The following BMERB1 variants were observed in gnomAD, a reference collection of about 807,000 sequenced individuals.
BMERB1 encodes bMERB domain containing 1.
A neutral mutation model predicts 23.6 loss-of-function variants in BMERB1; 12 were observed. That is an observed-to-expected ratio of 0.51 (90% confidence interval 0.33 to 0.82). BMERB1 has a LOEUF of 0.82. Ranked by LOEUF, BMERB1 falls within the 40% of genes least tolerant of loss-of-function variation. The pLI, the probability that BMERB1 is intolerant of heterozygous loss-of-function variation, is 0.03. For missense variants in BMERB1, 247 were observed against 255.4 expected (o/e 0.97, Z 0.22); for synonymous variants, 122 against 96.6 (o/e 1.26, Z -1.54).
At chr16:15,550,892 A>C (rs193073726) in intron 2 of BMERB1, among the ~76,000 whole-genome samples, 1 of 152,288 alleles carries the variant, frequency 6.6e-6, no homozygotes, top group Admixed American at 6.5e-5. Flanking sequence ...ATGAGGATTC[A>C]ATGAGATTGG....
intron 1 of BMERB1, among the ~76,000 whole-genome samples, chr16:15,442,687 A>G (rs571934406): frequency 1.3e-5 from 2 of 152,328 alleles, no homozygotes; most frequent in Admixed American, 6.5e-5. Context: ...TAACAGCCCT[A>G]TGACATAAGG....
intron 3 of BMERB1, among the ~76,000 whole-genome samples, chr16:15,569,089 G>A (rs1056972202): frequency 4.6e-5 from 7 of 152,020 alleles, no homozygotes; most frequent in Admixed American, 2.0e-4. Flanking sequence ...GGTGGCGGGT[G>A]CCTGTAATTC....
chr16:15,527,238 C>T (rs1299491057), intron 2 of BMERB1, among the ~76,000 whole-genome samples: 2 of 152,160 alleles, frequency 1.3e-5, no homozygotes, highest in African/African-American at 4.8e-5. Context: ...TCCCCATTTT[C>T]CCTTTCCCCT....
At position 15,512,012 on chromosome 16, in the gene BMERB1, C is replaced by CAAAAA. The variant is rs57021793; in HGVS notation, c.107-3271_107-3267dup. 3.0e-3 allele frequency among the ~76,000 whole-genome samples: 182 copies of CAAAAA among 61,124 alleles called. 22 individuals carry two copies. Among genetic ancestry groups the CAAAAA allele is most frequent in the East Asian group, 0.016 (23 of 1,396 alleles). 40.1% of individuals were successfully genotyped at this position (61,124 alleles called of 152,430 possible). The stretch of plus-strand genomic sequence containing the variant: ...TGGGCAACAGAGCAAGACTTGCTCT[C>CAAAAA]AAAAAAAAAAAAAAAAAAAAAAAAA... On this transcript the variant is annotated intron_variant, in intron 1 of 5. Transcript: ENST00000300006.
intron 1 of BMERB1, among the ~76,000 whole-genome samples, chr16:15,488,826 A>AT (rs1325480956): frequency 6.6e-6 from 1 of 151,700 alleles, no homozygotes; most frequent in Non-Finnish European, 1.5e-5. Flanking sequence ...TCAAAAAAAA[A>AT]AAAAACAAAG....
chr16:15,537,434 A>C (rs1412195847), intron 2 of BMERB1, among the ~76,000 whole-genome samples: 1 of 149,270 alleles, frequency 6.7e-6, no homozygotes, highest in African/African-American at 2.5e-5. Context: ...GGCTCACTGC[A>C]ACCTTGTCTC....
intron 2 of BMERB1, among the ~76,000 whole-genome samples, chr16:15,567,415 C>T (rs1180584702): frequency 6.6e-6 from 1 of 152,042 alleles, no homozygotes; most frequent in Non-Finnish European, 1.5e-5. Context: ...CTAAGTCAGG[C>T]ACATGAAGAC....
intron 1 of BMERB1, among the ~76,000 whole-genome samples, chr16:15,471,413 G>A (rs1384156811): frequency 4.6e-5 from 7 of 152,176 alleles, no homozygotes; most frequent in Non-Finnish European, 7.4e-5. Context: ...GAACTATGCA[G>A]ATTTTCTAAT....
intron 2 of BMERB1, among the ~76,000 whole-genome samples, chr16:15,557,877 T>C (rs753482681): frequency 3.9e-5 from 6 of 152,020 alleles, no homozygotes; most frequent in Non-Finnish European, 8.8e-5. Flanking sequence ...AAACTCCATC[T>C]CTCCTAAAAA....
chr16:15,508,325 A>G (rs907457050), intron 1 of BMERB1, among the ~76,000 whole-genome samples: 2 of 152,138 alleles, frequency 1.3e-5, no homozygotes, highest in Non-Finnish European at 2.9e-5. Context: ...AACTTTTTCT[A>G]TAAAGAGCCA....
intron 3 of BMERB1, among the ~76,000 whole-genome samples, chr16:15,580,913 TTGAAA>T (rs1048612728): frequency 6.6e-5 from 10 of 151,746 alleles, no homozygotes; most frequent in African/African-American, 2.2e-4. Flanking sequence ...TTTTTCTTTC[TTGAAA>T]TGAAGTCTCA....
intron 2 of BMERB1, among the ~76,000 whole-genome samples, chr16:15,542,883 T>C (rs2052099540): frequency 6.6e-6 from 1 of 152,100 alleles, no homozygotes; most frequent in African/African-American, 2.4e-5. Context: ...GCTTTTGGGC[T>C]CTGGTCCCAT....
chr16:15,580,087 C>T (rs945697894), intron 3 of BMERB1, among the ~76,000 whole-genome samples: 3 of 150,814 alleles, frequency 2.0e-5, no homozygotes, highest in Admixed American at 2.0e-4. Context: ...ACTCACCCTG[C>T]CCTCTCAATT....
rs181374893 is a variant in BMERB1, at chr16:15,445,173, A to G, written c.106+10414A>G. On this transcript the variant is annotated intron_variant, in intron 1 of 5. Transcript: ENST00000300006. ...CTCCCGAAGTGCTGAGATTATAGGC[A>G]TGAGCCACCACGCCTGGTTATTTCA... Among the ~76,000 whole-genome samples the G allele has an allele frequency of 9.8e-5, 15 of 152,312 alleles. No individual in the cohort carries two copies. In the East Asian group the frequency reaches 2.5e-3, roughly 25 times the overall value.
At chr16:15,505,592 A>T (rs866439086) in intron 1 of BMERB1, among the ~76,000 whole-genome samples, 4 of 152,088 alleles carry the variant, frequency 2.6e-5, no homozygotes, top group African/African-American at 7.2e-5. Context: ...GAGTTTGAGT[A>T]AAAAAAGTCA....
At chr16:15,581,459 C>T in intron 4 of BMERB1, 128 bp downstream of exon 4, 1 of 655,462 alleles carries the variant, frequency 1.5e-6, no homozygotes, top group East Asian at 2.9e-5. Context: ...TCCACAGTCT[C>T]TGGACACTGA....
chr16:15,518,391 C>T (rs888172083), intron 2 of BMERB1, among the ~76,000 whole-genome samples: 3 of 152,170 alleles, frequency 2.0e-5, no homozygotes, highest in African/African-American at 2.4e-5. Context: ...ATGGTGATGA[C>T]GCTCCCCAAC....
At chr16:15,541,419 A>C (rs1747610684) in intron 2 of BMERB1, among the ~76,000 whole-genome samples, 2 of 139,886 alleles carry the variant, frequency 1.4e-5, no homozygotes, top group African/African-American at 5.6e-5. Flanking sequence ...TTGCCCGCCG[A>C]ATTGTTTTTT....
At chr16:15,445,661 A>G (rs1045634904) in intron 1 of BMERB1, among the ~76,000 whole-genome samples, 8 of 152,206 alleles carry the variant, frequency 5.3e-5, no homozygotes, top group Non-Finnish European at 8.8e-5. Flanking sequence ...ATGTAGATCA[A>G]CTGGCACCCT....
Sources: allele counts gnomAD v4.1 joint callset (sites outside exome capture counted in the v4.1 genomes callset), GRCh38; gene constraint gnomAD v4.1.1; transcripts MANE v1.5; gene names NCBI Gene and HGNC (gene_info 2026-07-23, HGNC 2026-07-21).